Variants in FCHSD2 observed in about 807,000 individuals in gnomAD.
FCHSD2 encodes the protein F-BAR and double SH3 domains protein 2.
Under a neutral mutation model 108.1 loss-of-function variants are expected in FCHSD2, and 38 were observed. The ratio of observed to expected loss-of-function variants is 0.35; its 90% CI spans 0.27 to 0.46. The LOEUF is 0.46. FCHSD2 is among the 20% of genes least tolerant of loss of function. The pLI is 1.00. For missense variants in FCHSD2, 751 were observed against 897.8 expected (o/e 0.84, Z 2.09); for synonymous variants, 279 against 314.7 (o/e 0.89, Z 1.20).
At chr11:73,076,591 TG>T (rs1655028631) in intron 3 of FCHSD2, among the ~76,000 whole-genome samples, 1 of 152,224 alleles carries the variant, frequency 6.6e-6, no homozygotes. Flanking sequence ...ATAATGGCAA[TG>T]TTCTAAAACT....
intron 8 of FCHSD2, among the ~76,000 whole-genome samples, chr11:72,968,316 GA>G (rs1856951008): frequency 6.6e-6 from 1 of 152,146 alleles, no homozygotes; most frequent in Non-Finnish European, 1.5e-5. Context: ...CTTTTAATTT[GA>G]AACTATAATT....
intron 3 of FCHSD2, among the ~76,000 whole-genome samples, chr11:73,045,925 GA>G (rs941922462): frequency 1.9e-4 from 26 of 138,150 alleles, no homozygotes; most frequent in Non-Finnish European, 2.4e-4. Context: ...AATAATAAAA[GA>G]AAAAAAAATG....
intron 8 of FCHSD2, among the ~76,000 whole-genome samples, chr11:72,960,247 C>A (rs1249452997): frequency 2.0e-5 from 3 of 152,116 alleles, no homozygotes; most frequent in African/African-American, 7.2e-5. Context: ...TGAACTCACT[C>A]ATTACTGTGA....
intron 5 of FCHSD2, among the ~76,000 whole-genome samples, chr11:72,992,605 A>G (rs1457111555): frequency 6.6e-6 from 1 of 152,222 alleles, no homozygotes; most frequent in African/African-American, 2.4e-5. Context: ...ATAATGCCAC[A>G]TATCTACAAC....
intron 9 of FCHSD2, among the ~76,000 whole-genome samples, chr11:72,912,861 T>TTA (rs1855791526): frequency 6.6e-6 from 1 of 152,196 alleles, no homozygotes; most frequent in African/African-American, 2.4e-5. Context: ...GGTAGGTGTA[T>TTA]TAGTCCATTC....
At position 72,984,998 on chromosome 11, in the gene FCHSD2, C is replaced by T. The variant is rs1857284243; in HGVS notation, c.576+64G>A. ...ATAATCCACCTCCACCCTCAAAGATCCAATTCTCTGTTTTACAAGCTAAGA... is the reference window on the plus strand; with the variant it reads ...ATAATCCACCTCCACCCTCAAAGATTCAATTCTCTGTTTTACAAGCTAAGA... On this transcript the variant is annotated intron_variant, in intron 7 of 19. Coordinates refer to ENST00000409418, the MANE Select transcript of FCHSD2 (RefSeq NM_014824.3). The T allele has an allele frequency of 8.5e-6, 6 of 705,680 alleles. No homozygotes were observed. In the South Asian group the frequency reaches 9.4e-5, roughly 11 times the overall value. The allele number at this position is 705,680 out of a possible 1,614,324, so 43.7% of individuals were successfully genotyped here. A position where few individuals can be genotyped will look rare whatever the true frequency, so the allele number is the denominator to read the frequency against.
intron 9 of FCHSD2, among the ~76,000 whole-genome samples, chr11:72,904,840 T>G (rs1037007112): frequency 1.3e-5 from 2 of 152,222 alleles, no homozygotes; most frequent in African/African-American, 2.4e-5. Flanking sequence ...TTGAAGAAAC[T>G]GGGTTTTTGT....
chr11:73,074,347 C>T (rs1332345105), intron 3 of FCHSD2, among the ~76,000 whole-genome samples: 1 of 152,122 alleles, frequency 6.6e-6, no homozygotes, highest in Non-Finnish European at 1.5e-5. Flanking sequence ...CTTATGTGTG[C>T]AAGTATAAAA....
chr11:73,117,743 C>G (rs1860637970), intron 2 of FCHSD2, among the ~76,000 whole-genome samples: 1 of 152,196 alleles, frequency 6.6e-6, no homozygotes, highest in East Asian at 1.9e-4. Context: ...CCATTAGATT[C>G]TGCCACAAAA....
chr11:73,096,188 A>G (rs1037430908), intron 2 of FCHSD2, among the ~76,000 whole-genome samples: 7 of 152,088 alleles, frequency 4.6e-5, no homozygotes, highest in African/African-American at 1.7e-4. Flanking sequence ...AAATGCTGTC[A>G]TGAAAGAGAT....
rs142587978 is a variant in FCHSD2 at position 72,981,105 on chromosome 11, G to A, written c.705+2983C>T. Among the ~76,000 whole-genome samples, 4 of 152,258 alleles carry A rather than the reference G, an allele frequency of 2.6e-5. No individual in the cohort carries two copies. The East Asian group carries it at 5.8e-4, about 22-fold the overall frequency. ...TGATTGATAGGAGTTTTCCTGTACT[G>A]CAGACTATAGAATTAGCATGAGGAA... On this transcript the variant is annotated intron_variant, in intron 8 of 19. Coordinates refer to ENST00000409418, the MANE Select transcript of FCHSD2 (RefSeq NM_014824.3).
At chr11:72,907,619 T>TTTTTTTTTTTTTTTTTTTTTTTTTTTTTC (rs57347063) in intron 9 of FCHSD2, among the ~76,000 whole-genome samples, 1 of 149,746 alleles carries the variant, frequency 6.7e-6, no homozygotes. Flanking sequence ...TTTTTTTTTT[T>TTTTTTTTTTTTTTTTTTTTTTTTTTTTTC]CTTGAGACGG....
At chr11:73,068,759 CAGG>C (rs1444400746) in intron 3 of FCHSD2, among the ~76,000 whole-genome samples, 1 of 139,790 alleles carries the variant, frequency 7.2e-6, no homozygotes, top group Non-Finnish European at 1.5e-5. Context: ...TGCTTGAGCC[CAGG>C]AGTTCAAAAC....
intron 2 of FCHSD2, among the ~76,000 whole-genome samples, chr11:73,139,101 T>A (rs1861187673): frequency 6.6e-6 from 1 of 152,296 alleles, no homozygotes; most frequent in South Asian, 2.1e-4. Flanking sequence ...TTATAGTGCC[T>A]AAATATAGGA....
chr11:73,057,129 G>A (rs1445120297), intron 3 of FCHSD2, among the ~76,000 whole-genome samples: 1 of 152,014 alleles, frequency 6.6e-6, no homozygotes, highest in Non-Finnish European at 1.5e-5. Context: ...TCCATAGGTT[G>A]ACAATTGATT....
At chr11:72,899,027 A>T (rs760043897) in intron 10 of FCHSD2, among the ~76,000 whole-genome samples, 1 of 152,178 alleles carries the variant, frequency 6.6e-6, no homozygotes, top group Non-Finnish European at 1.5e-5. Flanking sequence ...TTACAGGCGT[A>T]AGCCTCTGCA....
intron 2 of FCHSD2, among the ~76,000 whole-genome samples, chr11:73,092,536 A>G (rs947294715): frequency 6.6e-6 from 1 of 152,222 alleles, no homozygotes; most frequent in Admixed American, 6.5e-5. Flanking sequence ...TCTGTATCTT[A>G]GTATTTATAT....
chr11:73,080,802 G>A (rs1859666499), intron 3 of FCHSD2, among the ~76,000 whole-genome samples: 1 of 151,970 alleles, frequency 6.6e-6, no homozygotes, highest in Non-Finnish European at 1.5e-5. Flanking sequence ...AAATTAGCCA[G>A]GTGTGATGGC....
rs1431234590 is a variant in FCHSD2 at position 73,142,164 on chromosome 11, G to C, written c.-287C>G. 2.4e-5 allele frequency: 6 copies of C among 247,184 alleles called. No individual in the cohort carries two copies. Among genetic ancestry groups the C allele is most frequent in the Non-Finnish European group, 2.3e-5 (3 of 129,014 alleles). The allele number at this position is 247,184 out of a possible 1,614,324, so 15.3% of individuals were successfully genotyped here. ...AGGAGGCGGAGACGGCGAGGGGGCG[G>C]GGGCCCCAGGAGCAGGGGCGCGAGG... On this transcript the variant is annotated 5_prime_UTR_variant, in exon 1 of 20. Coordinates refer to ENST00000409418, the MANE Select transcript of FCHSD2 (RefSeq NM_014824.3).
Sources: gnomAD v4.1 joint callset for allele counts (sites outside exome capture counted in the v4.1 genomes callset) on GRCh38, gnomAD v4.1.1 for gene constraint, MANE v1.5 for transcripts, NCBI Gene and HGNC (gene_info 2026-07-23, HGNC 2026-07-21) for gene names.